ARHGEF37: variants seen among roughly 807,000 people sequenced by gnomAD.
The protein encoded by ARHGEF37 is Rho guanine nucleotide exchange factor 37, also known as Rho guanine nucleotide exchange factor (GEF) 37.
In ARHGEF37, 55 loss-of-function variants were observed where a neutral mutation model predicts 71.1. The observed-to-expected ratio is 0.77, with a 90% CI of 0.62 to 0.97. ARHGEF37 has a LOEUF of 0.97. ARHGEF37 is among the 50% of genes least tolerant of loss of function. ARHGEF37 has a pLI of 0.00. For missense variants in ARHGEF37, 765 were observed against 836.8 expected, an observed-to-expected ratio of 0.91 and a Z score of 1.06; for synonymous variants, 327 against 350.6, an observed-to-expected ratio of 0.93 and a Z score of 0.75.
rs201683478 is a variant in ARHGEF37 at position 149,565,829 on chromosome 5, A to ATTTT, written c.-12+13738_-12+13741dup. Among the ~76,000 whole-genome samples the ATTTT allele has an allele frequency of 6.8e-3, 577 of 84,348 alleles. 25 individuals carry two copies. Among genetic ancestry groups the ATTTT allele is most frequent in the Non-Finnish European group, 0.01 (389 of 37,336 alleles). 55.3% of individuals were successfully genotyped at this position (84,348 alleles called of 152,430 possible). A position where few individuals can be genotyped will look rare whatever the true frequency, so the allele number is the denominator to read the frequency against. ...TAGCTTTGTAATGTCAGAAACTCTA[A>ATTTT]TTTTTTTTTTTTTTTTTTTTTTTTT... On this transcript the variant is annotated intron_variant, in intron 1 of 2. Coordinates refer to the ARHGEF37 transcript ENST00000505810.
chr5:149,617,961 T>G (rs1752423704), intron 5 of ARHGEF37, among the ~76,000 whole-genome samples: 2 of 152,162 alleles, frequency 1.3e-5, no homozygotes, highest in Non-Finnish European at 2.9e-5. Flanking sequence ...CAAGGAGTGG[T>G]GACTTCCCAA....
intron 11 of ARHGEF37, among the ~76,000 whole-genome samples, chr5:149,628,156 T>C (rs1360563597): frequency 6.6e-6 from 1 of 152,116 alleles, no homozygotes. Flanking sequence ...AGGACTGGAT[T>C]TGGATTCCAG....
intron 10 of ARHGEF37, chr5:149,626,799 C>A: frequency 6.9e-6 from 2 of 291,912 alleles, no homozygotes; most frequent in South Asian, 1.2e-4. Context: ...GAATTTAGGG[C>A]CCAATCCTAG....
intron 9 of ARHGEF37, among the ~76,000 whole-genome samples, chr5:149,622,886 G>A (rs1346944185): frequency 6.6e-6 from 1 of 152,178 alleles, no homozygotes; most frequent in Non-Finnish European, 1.5e-5. Context: ...CACCTTGGGA[G>A]CAATTTCAAT....
chr5:149,618,375 G>A (rs537292760), intron 6 of ARHGEF37, 69 bp downstream of exon 6: 2 of 1,601,324 alleles, frequency 1.2e-6, no homozygotes, highest in Admixed American at 3.4e-5. Flanking sequence ...ACAGTGGGTA[G>A]ACAGGGGACT....
intron 1 of ARHGEF37, among the ~76,000 whole-genome samples, chr5:149,574,473 G>A (rs1348356404): frequency 1.3e-5 from 2 of 152,132 alleles, no homozygotes; most frequent in South Asian, 2.1e-4. Context: ...ATTCTTTGCC[G>A]GCTCCCCTTT....
intron 1 of ARHGEF37, among the ~76,000 whole-genome samples, chr5:149,556,945 T>C (rs1456794897): frequency 6.6e-6 from 1 of 152,246 alleles, no homozygotes; most frequent in Non-Finnish European, 1.5e-5. Flanking sequence ...CCATTCAGCC[T>C]GTTTTTCAGT....
intron 1 of ARHGEF37, among the ~76,000 whole-genome samples, chr5:149,558,388 C>T (rs983923158): frequency 6.6e-6 from 1 of 152,132 alleles, no homozygotes; most frequent in South Asian, 2.1e-4. Flanking sequence ...CGCCTATAAT[C>T]CCAGCTACTC....
At chr5:149,563,787 A>C (rs1762865266) in intron 1 of ARHGEF37, among the ~76,000 whole-genome samples, 1 of 152,186 alleles carries the variant, frequency 6.6e-6, no homozygotes, top group African/African-American at 2.4e-5. Context: ...TGACAAGGTC[A>C]TCACTGTAGA....
At chr5:149,617,784 C>T (rs1343168554) in intron 5 of ARHGEF37, among the ~76,000 whole-genome samples, 1 of 152,198 alleles carries the variant, frequency 6.6e-6, no homozygotes, top group Non-Finnish European at 1.5e-5. Context: ...GACCGGGAAG[C>T]GTGGCTCCCA....
At chr5:149,623,100 CA>C (rs2113378507) in intron 9 of ARHGEF37, among the ~76,000 whole-genome samples, 1 of 152,284 alleles carries the variant, frequency 6.6e-6, no homozygotes, top group East Asian at 1.9e-4. Context: ...TGCCCCTCTC[CA>C]TTGTCCCTGA....
rs764100634 is a variant in ARHGEF37 at position 149,624,078 on chromosome 5, A to C, written c.1402A>C (p.Ser468Arg). 6.2e-7 allele frequency: 1 copy of C among 1,612,278 alleles called. No homozygotes were observed. The highest frequency in any genetic ancestry group is 1.1e-5 in the South Asian group (1 of 91,000). ...GGTGGAGGACGCACTGGGCCGGACG[A>C]GTAACCAGCTTCGCTCCTTTCAAGA... ...KLVEDALGRT[S>R]NQLRSFQETF... is the part of the protein sequence containing the mutation. The change falls in exon 10 of 13, where the codon AGT becomes CGT. Residue 468 changes from serine (S) to arginine (R), a missense_variant. Coordinates refer to ENST00000333677, the MANE Select transcript of ARHGEF37 (RefSeq NM_001001669.3).
Position 149,621,821 on chromosome 5 carries a change from T to C in ARHGEF37, c.1094T>C (p.Leu365Pro). 1 of 1,614,240 alleles carries C rather than the reference T, an allele frequency of 6.2e-7. No individual in the cohort carries two copies. Among genetic ancestry groups the C allele is most frequent in the Non-Finnish European group, 8.5e-7 (1 of 1,180,036 alleles). ...LGPQNLIKKRLDKLLDFERVE... is the reference protein window; with the variant it reads ...LGPQNLIKKRPDKLLDFERVE... ...CCTCAGAACCTGATCAAGAAGCGTC[T>C]GGACAAGCTACTGGACTTTGAGCGG... Residue 365 changes from leucine to proline, a missense_variant, in exon 9 of 13, where the codon CTG becomes CCG. Transcript: ENST00000333677.
rs189663880 is a variant in ARHGEF37, at chr5:149,554,051, C to G, written c.-12+1928C>G. ...GGCGTGGTGGCGCATGCCTGTAATC[C>G]CAGCTACTTGGGAGGCTGAGGCATG... On this transcript the variant is annotated intron_variant, in intron 1 of 2. Coordinates refer to the ARHGEF37 transcript ENST00000505810. 3.7e-4 allele frequency among the ~76,000 whole-genome samples: 56 copies of G among 152,272 alleles called. 1 individual carries two copies. The East Asian group carries it at 0.011, about 29-fold the overall frequency.
chr5:149,596,520 G>T (rs529598145), intron 1 of ARHGEF37, among the ~76,000 whole-genome samples: 48 of 152,294 alleles, frequency 3.2e-4, no homozygotes, highest in African/African-American at 1.1e-3. Context: ...GGCCAGGCTG[G>T]TCTCGAACTC....
At chr5:149,562,850 G>A (rs1762850757) in intron 1 of ARHGEF37, among the ~76,000 whole-genome samples, 1 of 152,156 alleles carries the variant, frequency 6.6e-6, no homozygotes, top group African/African-American at 2.4e-5. Flanking sequence ...AGAGCTTTCT[G>A]CCTGTTCTAG....
rs776755385 is a variant in ARHGEF37 at position 149,621,999 on chromosome 5, C to G, written c.1272C>G (p.Phe424Leu). The change falls in exon 9 of 13, where the codon TTC (phenylalanine) becomes TTG (leucine). Residue 424 changes from phenylalanine to leucine, a missense_variant. By Grantham distance (22) the Phe-to-Leu change is conservative. Transcript: ENST00000333677. ...GGCTGGGCCAGATCATGTGCACATTCGTGACCCTCCAGAGGGACCTTGCAA... is the reference window on the plus strand; with the variant it reads ...GGCTGGGCCAGATCATGTGCACATTGGTGACCCTCCAGAGGGACCTTGCAA... ...MQWLGQIMCT[F>L]VTLQRDLAKQ... The G allele has an allele frequency of 2.5e-6, 4 of 1,613,994 alleles. No individual in the cohort carries two copies. The East Asian group carries it at 6.7e-5, about 27-fold the overall frequency.
intron 1 of ARHGEF37, among the ~76,000 whole-genome samples, chr5:149,590,621 A>C (rs1580897216): frequency 1.9e-4 from 22 of 117,020 alleles, no homozygotes; most frequent in East Asian, 2.5e-4. Context: ...GCAGAATTTC[A>C]CTCTTCTTGC....
chr5:149,561,445 G>A lies in ARHGEF37; in HGVS notation c.-12+9322G>A, dbSNP rs554265396. Among the ~76,000 whole-genome samples the A allele has an allele frequency of 1.3e-4, 20 of 152,204 alleles. No homozygotes were observed. The South Asian group carries it at 1.9e-3, about 14-fold the overall frequency. On this transcript the variant is annotated intron_variant, in intron 1 of 2. Coordinates refer to the ARHGEF37 transcript ENST00000505810. ...CACAAAATGACTTTTACTCTTCAAC[G>A]TAGTCTAATCCTTGGCAAAGAGTTA...
Sources: allele counts gnomAD v4.1 joint callset (sites outside exome capture counted in the v4.1 genomes callset), GRCh38; gene constraint gnomAD v4.1.1; transcripts MANE v1.5; gene names NCBI Gene and HGNC (gene_info 2026-07-23, HGNC 2026-07-21).